CHCHD3: variants seen among roughly 807,000 people sequenced by gnomAD.
The protein encoded by CHCHD3 is coiled-coil-helix-coiled-coil-helix domain containing 3, also known as MICOS complex subunit MIC19.
Under a neutral mutation model 38.2 loss-of-function variants are expected in CHCHD3, and 20 were observed. The observed-to-expected ratio is 0.52, with a 90% CI of 0.37 to 0.76. CHCHD3 has a LOEUF of 0.76. Among genes scored for constraint, CHCHD3 ranks in the 30% least tolerant of loss-of-function variants. The probability of loss-of-function intolerance (pLI) is 0.00; values close to 1 mark genes in which losing one functional copy is unlikely to be tolerated. For missense variants in CHCHD3, 245 were observed against 279.2 expected (o/e 0.88, Z 0.87); for synonymous variants, 82 against 100.0 (o/e 0.82, Z 1.07).
chr7:133,022,633 AG>A, intron 3 of CHCHD3: 1 of 392,906 alleles, frequency 2.5e-6, no homozygotes, highest in South Asian at 2.0e-5. Flanking sequence ...TTTTTAAAAA[AG>A]AAAAAATAAT....
At chr7:132,920,589 C>T (rs760722616) in intron 4 of CHCHD3, among the ~76,000 whole-genome samples, 4 of 152,140 alleles carry the variant, frequency 2.6e-5, no homozygotes, top group African/African-American at 4.8e-5. Context: ...TATTTGTTTA[C>T]TCTGTCGTCA....
intron 3 of CHCHD3, among the ~76,000 whole-genome samples, chr7:132,980,463 T>G (rs920193217): frequency 1.1e-4 from 16 of 152,340 alleles, no homozygotes; most frequent in African/African-American, 3.8e-4. Flanking sequence ...TCATTTAAAT[T>G]TCTTTCTTTT....
At chr7:133,005,825 AT>A (rs1377240437) in intron 3 of CHCHD3, among the ~76,000 whole-genome samples, 1 of 152,244 alleles carries the variant, frequency 6.6e-6, no homozygotes, top group Non-Finnish European at 1.5e-5. Context: ...TTATACATTT[AT>A]AGATAAGGTG....
intron 3 of CHCHD3, among the ~76,000 whole-genome samples, chr7:132,990,943 G>GACAC (rs1201876742): frequency 1.6e-4 from 13 of 79,490 alleles, no homozygotes; most frequent in African/African-American, 6.0e-4. Context: ...CCCCTACACA[G>GACAC]ACACACATAC....
chr7:132,964,561 A>C (rs913351119), intron 4 of CHCHD3, among the ~76,000 whole-genome samples: 5 of 152,186 alleles, frequency 3.3e-5, no homozygotes, highest in Non-Finnish European at 7.3e-5. Flanking sequence ...CAGCCTAGAC[A>C]ACAGGGTGAG....
intron 2 of CHCHD3, among the ~76,000 whole-genome samples, chr7:133,039,148 A>T (rs1813759403): frequency 6.6e-6 from 1 of 152,182 alleles, no homozygotes; most frequent in Non-Finnish European, 1.5e-5. Flanking sequence ...TGCTTAGTCC[A>T]TGCACACGCC....
intron 2 of CHCHD3, chr7:133,034,578 G>T (rs757226695): frequency 1.1e-5 from 16 of 1,457,178 alleles, no homozygotes; most frequent in Non-Finnish European, 1.5e-5. Flanking sequence ...AAGGGCAGGT[G>T]CAGGCAGCTA....
chr7:132,849,832 G>A (rs1276488886), intron 5 of CHCHD3, among the ~76,000 whole-genome samples: 1 of 152,104 alleles, frequency 6.6e-6, no homozygotes, highest in Non-Finnish European at 1.5e-5. Context: ...AGCCATCTTG[G>A]GACATAAGCT....
chr7:133,061,988 A>G (rs1446467219), intron 2 of CHCHD3, among the ~76,000 whole-genome samples: 1 of 152,208 alleles, frequency 6.6e-6, no homozygotes, highest in Non-Finnish European at 1.5e-5. Context: ...CCCTGGTAGC[A>G]CTGATTTGGC....
In CHCHD3 at chr7:132,824,314, C is replaced by CTTTTTTTTTTTTTTTTTT. The variant is rs57262694; in HGVS notation, c.524+14067_524+14084dup. ...AAAAATATTCCCAAGTAGTAGAACT[C>CTTTTTTTTTTTTTTTTTT]TTTTTTTTTTTTTTTTTTTTTTGAG... On this transcript the variant is annotated intron_variant, in intron 6 of 7. Coordinates refer to ENST00000262570, the MANE Select transcript of CHCHD3 (RefSeq NM_017812.4). 1.4e-4 allele frequency among the ~76,000 whole-genome samples: 13 copies of CTTTTTTTTTTTTTTTTTT among 90,132 alleles called. 2 individuals carry two copies. Among genetic ancestry groups the CTTTTTTTTTTTTTTTTTT allele is most frequent in the African/African-American group, 5.1e-4 (12 of 23,528 alleles). The allele number at this position is 90,132 out of a possible 152,430, so 59.1% of individuals were successfully genotyped here.
intron 5 of CHCHD3, among the ~76,000 whole-genome samples, chr7:132,854,372 G>GA (rs1226927964): frequency 6.6e-6 from 1 of 152,106 alleles, no homozygotes; most frequent in African/African-American, 2.4e-5. Context: ...AAAAAGGAGA[G>GA]AAGAAATGTT....
At chr7:132,806,848 G>A (rs551821211) in intron 6 of CHCHD3, among the ~76,000 whole-genome samples, 9 of 152,330 alleles carry the variant, frequency 5.9e-5, no homozygotes, top group African/African-American at 1.9e-4. Context: ...AGGGAAGGTA[G>A]TGTGAAAAGA....
Position 132,788,367 on chromosome 7 carries a change from T to C in CHCHD3, c.661-2707A>G, listed in dbSNP as rs1395744703. ...TGGGAGCTTTGAGTTGTCATCTGCC[T>C]GGTCAAGATTACATAGCTGTACCCC... On this transcript the variant is annotated intron_variant, in intron 7 of 7. Transcript: ENST00000262570. The surrounding 1 kb of genome is among the most constrained non-coding windows in gnomAD (Gnocchi z 4.0). Among the ~76,000 whole-genome samples, 1 of 152,218 alleles carries C rather than the reference T, an allele frequency of 6.6e-6. No homozygotes were observed. The highest frequency in any genetic ancestry group is 2.4e-5 in the African/African-American group (1 of 41,460).
chr7:133,081,766 G>T, intron 1 of CHCHD3, 91 bp downstream of exon 1: 2 of 1,318,552 alleles, frequency 1.5e-6, no homozygotes, highest in South Asian at 2.5e-5. Context: ...GGTCCAGGAC[G>T]GGAGAAACCC....
chr7:133,025,449 A>G lies in CHCHD3; in HGVS notation c.170-822T>C, dbSNP rs537954388. Reference sequence around the variant, plus strand: ...AAATTACGAACAAGAAAGCACCAGAAGCACTTAGGAGGATCTAGGAATATC... The same window carrying G: ...AAATTACGAACAAGAAAGCACCAGAGGCACTTAGGAGGATCTAGGAATATC... On this transcript the variant is annotated intron_variant, in intron 2 of 7. Transcript: ENST00000262570. 3.9e-5 allele frequency among the ~76,000 whole-genome samples: 6 copies of G among 152,372 alleles called. No individual in the cohort carries two copies. In the East Asian group the frequency reaches 1.2e-3, roughly 29 times the overall value.
Position 133,035,129 on chromosome 7 carries a change from A to G in CHCHD3, c.170-10502T>C, listed in dbSNP as rs1469822492. The G allele has an allele frequency of 6.2e-7, 1 of 1,613,630 alleles. No individual in the cohort carries two copies. Among genetic ancestry groups the G allele is most frequent in the Non-Finnish European group, 8.5e-7 (1 of 1,179,700 alleles). ...CAGCAGCCAGCGCCTGCTCACATTC[A>G]TCCATCTCCTCCTCAGGAGCAGGGG... On this transcript the variant is annotated intron_variant, in intron 2 of 7. Coordinates refer to ENST00000262570, the MANE Select transcript of CHCHD3 (RefSeq NM_017812.4). This position sits in a 1 kb window ranked among gnomAD's most constrained non-coding sequence, Gnocchi z 4.7.
chr7:133,035,541 G>A lies in CHCHD3; in HGVS notation c.170-10914C>T. 1 of 1,613,518 alleles carries A rather than the reference G, an allele frequency of 6.2e-7. No homozygotes were observed. Among genetic ancestry groups the A allele is most frequent in the South Asian group, 1.1e-5 (1 of 91,062 alleles). ...CACTTCCTCCTTTGCATTCTCAGTG[G>A]CCTGTTTGTTGTGGTGCATGATGCC... On this transcript the variant is annotated intron_variant, in intron 2 of 7. Transcript: ENST00000262570. This position sits in a 1 kb window ranked among gnomAD's most constrained non-coding sequence, Gnocchi z 4.7.
intron 2 of CHCHD3, chr7:133,034,979 A>C: frequency 6.2e-7 from 1 of 1,606,248 alleles, no homozygotes; most frequent in Non-Finnish European, 8.5e-7. Flanking sequence ...CGTCCTTATC[A>C]AAGTGCTCCC....
Position 133,035,319 on chromosome 7 carries a change from C to T in CHCHD3, c.170-10692G>A, listed in dbSNP as rs868546154. On this transcript the variant is annotated intron_variant, in intron 2 of 7. Coordinates refer to ENST00000262570, the MANE Select transcript of CHCHD3 (RefSeq NM_017812.4). This position sits in a 1 kb window ranked among gnomAD's most constrained non-coding sequence, Gnocchi z 4.7. Reference sequence around the variant, plus strand: ...CAGTTTCAGTTCCCCCAAGACAGCCCGGAACTGGGGCTGGTTAATGCAGGT... The same window carrying T: ...CAGTTTCAGTTCCCCCAAGACAGCCTGGAACTGGGGCTGGTTAATGCAGGT... 390 of 1,611,402 alleles carry T rather than the reference C, an allele frequency of 2.4e-4. 1 individual carries two copies. The highest frequency in any genetic ancestry group is 8.2e-4 in the Middle Eastern group (5 of 6,076).
Sources: allele counts gnomAD v4.1 joint callset (sites outside exome capture counted in the v4.1 genomes callset), GRCh38; gene constraint gnomAD v4.1.1; non-coding constraint Gnocchi (gnomAD v3.1); transcripts MANE v1.5; gene names NCBI Gene and HGNC (gene_info 2026-07-23, HGNC 2026-07-21).